The following ATP11A variants were observed in gnomAD, a reference collection of about 807,000 sequenced individuals.
ATP11A encodes the protein ATPase phospholipid transporting 11A.
In ATP11A, 81 loss-of-function variants were observed where a neutral mutation model predicts 154.4. The ratio of observed to expected loss-of-function variants is 0.52; its 90% confidence interval spans 0.44 to 0.63. ATP11A has a LOEUF of 0.63. Among genes scored for constraint, ATP11A ranks in the 30% least tolerant of loss-of-function variants. The pLI, the probability that ATP11A is intolerant of heterozygous loss-of-function variation, is 0.00. For missense variants in ATP11A, 1,316 were observed against 1,474.3 expected (o/e 0.89, Z 1.76); for synonymous variants, 623 against 585.9 (o/e 1.06, Z -0.91).
chr13:112,736,462 G>A (rs980600248), intron 1 of ATP11A, among the ~76,000 whole-genome samples: 2 of 152,164 alleles, frequency 1.3e-5, no homozygotes, highest in Non-Finnish European at 2.9e-5. Context: ...GCAACGAAGC[G>A]TTATCTTACA....
In ATP11A at chr13:112,882,241, A is replaced by G; in HGVS notation, c.*375A>G. On this transcript the variant is annotated 3_prime_UTR_variant, in exon 30 of 30. Coordinates refer to ENST00000375645, the MANE Select transcript of ATP11A (RefSeq NM_015205.3). The surrounding 1 kb of genome is among the most constrained non-coding windows in gnomAD (Gnocchi z 5.1). Reference sequence around the variant, plus strand: ...GCATTCGGCTCAACGCAGGAGGGACATTCTGCTGGCCCACCCTGCGCGCTG... The same window carrying G: ...GCATTCGGCTCAACGCAGGAGGGACGTTCTGCTGGCCCACCCTGCGCGCTG... 1.3e-6 allele frequency: 1 copy of G among 756,460 alleles called. No individual in the cohort carries two copies. Among genetic ancestry groups the G allele is most frequent in the Non-Finnish European group, 1.9e-6 (1 of 530,016 alleles). The allele number at this position is 756,460 out of a possible 1,614,324, so 46.9% of individuals were successfully genotyped here.
At chr13:112,799,335 A>G (rs1003175301) in intron 2 of ATP11A, among the ~76,000 whole-genome samples, 4 of 152,198 alleles carry the variant, frequency 2.6e-5, no homozygotes, top group East Asian at 1.9e-4. Flanking sequence ...GAGTCCACCA[A>G]TAGGCTTTGT....
chr13:112,848,505 C>T (rs1431068779), intron 17 of ATP11A, among the ~76,000 whole-genome samples: 1 of 152,138 alleles, frequency 6.6e-6, no homozygotes, highest in African/African-American at 2.4e-5. Flanking sequence ...GCAAATAGGC[C>T]TTAGAAAGGC....
intron 1 of ATP11A, among the ~76,000 whole-genome samples, chr13:112,750,858 T>C (rs1320767889): frequency 6.6e-6 from 1 of 152,262 alleles, no homozygotes; most frequent in Admixed American, 6.5e-5. Flanking sequence ...AGAATTGTTA[T>C]GATAATTACC....
chr13:112,811,693 C>T (rs983422325), intron 5 of ATP11A: 1 of 152,112 alleles, frequency 6.6e-6, no homozygotes, highest in Non-Finnish European at 1.5e-5. Flanking sequence ...GCAACCTCCG[C>T]CCCCGGGTTC....
chr13:112,866,893 G>A (rs1256131321), intron 25 of ATP11A, among the ~76,000 whole-genome samples: 1 of 152,036 alleles, frequency 6.6e-6, no homozygotes. Context: ...TGTTTTAAAA[G>A]CTTTAAGTTT....
chr13:112,867,314 C>T (rs1284093930), intron 25 of ATP11A, among the ~76,000 whole-genome samples: 2 of 152,208 alleles, frequency 1.3e-5, no homozygotes. Context: ...GGGTCATACC[C>T]GGACGTCCGG....
In ATP11A at chr13:112,709,251, C is replaced by T. The variant is rs190747242; in HGVS notation, c.39+18796C>T. Among the ~76,000 whole-genome samples the T allele has an allele frequency of 3.5e-3, 526 of 152,302 alleles. 3 individuals carry two copies. Among genetic ancestry groups the T allele is most frequent in the Admixed American group, 4.1e-3 (62 of 15,306 alleles). On this transcript the variant is annotated intron_variant, in intron 1 of 29. Transcript: ENST00000375645. ...TTCTCATCAGATGGGTTTTATTTAA[C>T]CCTGTATATCATGACTTACTTTCCA...
At chr13:112,705,182 A>T (rs1313807811) in intron 1 of ATP11A, among the ~76,000 whole-genome samples, 2 of 152,222 alleles carry the variant, frequency 1.3e-5, no homozygotes, top group Non-Finnish European at 2.9e-5. Context: ...GCAACATGTA[A>T]AAAGAAAGCT....
chr13:112,781,211 T>C (rs939781931), intron 1 of ATP11A, among the ~76,000 whole-genome samples: 2 of 152,022 alleles, frequency 1.3e-5, no homozygotes, highest in Non-Finnish European at 2.9e-5. Flanking sequence ...TTTTTGTATT[T>C]TTTTTTTCAG....
At chr13:112,844,530 G>A (rs1301831783) in intron 17 of ATP11A, among the ~76,000 whole-genome samples, 13 of 152,204 alleles carry the variant, frequency 8.5e-5, no homozygotes, top group South Asian at 8.3e-4. Context: ...CGCTCCACTC[G>A]CCGTCACTGC....
chr13:112,843,162 G>T (rs770126397), intron 17 of ATP11A, among the ~76,000 whole-genome samples: 1 of 151,708 alleles, frequency 6.6e-6, no homozygotes, highest in African/African-American at 2.4e-5. Flanking sequence ...TCCTAACGCC[G>T]AGTGACGCAC....
chr13:112,690,667 G>T lies in ATP11A; in HGVS notation c.39+212G>T, dbSNP rs973747895. Among the ~76,000 whole-genome samples, 4 of 152,018 alleles carry T rather than the reference G, an allele frequency of 2.6e-5. No homozygotes were observed. Among genetic ancestry groups the T allele is most frequent in the African/African-American group, 9.7e-5 (4 of 41,430 alleles). ...CCGACGGGGTCTAGGTGGGCACAGCGCGGGGCCCCAGCCCCGGGCGGCCAC... is the reference window on the plus strand; with the variant it reads ...CCGACGGGGTCTAGGTGGGCACAGCTCGGGGCCCCAGCCCCGGGCGGCCAC... On this transcript the variant is annotated intron_variant, in intron 1 of 29. Coordinates refer to ENST00000375645, the MANE Select transcript of ATP11A (RefSeq NM_015205.3). The surrounding 1 kb of genome is among the most constrained non-coding windows in gnomAD (Gnocchi z 5.6).
At chr13:112,864,201 G>A (rs2080233468) in intron 25 of ATP11A, among the ~76,000 whole-genome samples, 2 of 123,882 alleles carry the variant, frequency 1.6e-5, no homozygotes, top group African/African-American at 2.9e-5. Flanking sequence ...GCTTCCCAGC[G>A]GGGTCCATCA....
At chr13:112,791,705 G>C (rs2077862669) in intron 2 of ATP11A, among the ~76,000 whole-genome samples, 1 of 152,162 alleles carries the variant, frequency 6.6e-6, no homozygotes, top group Non-Finnish European at 1.5e-5. Flanking sequence ...GCCTGGCCCT[G>C]CTCCCTGGCT....
chr13:112,691,481 A>AAGGGT (rs57714748), intron 1 of ATP11A, among the ~76,000 whole-genome samples: 6 of 90,458 alleles, frequency 6.6e-5, no homozygotes, highest in African/African-American at 3.4e-4. Flanking sequence ...AAAAAAAAAA[A>AAGGGT]GGGTGTGTGT....
Position 112,838,919 on chromosome 13 carries a change from C to A in ATP11A, c.1705+2668C>A, listed in dbSNP as rs2079314933. Reference sequence around the variant, plus strand: ...GAGTTCTCCCTGCTGGGCGGGGAGACCCTGCAGCCAGCTCACAGCTCGTGT... The same window carrying A: ...GAGTTCTCCCTGCTGGGCGGGGAGAACCTGCAGCCAGCTCACAGCTCGTGT... On this transcript the variant is annotated intron_variant, in intron 16 of 29. Coordinates refer to ENST00000375645, the MANE Select transcript of ATP11A (RefSeq NM_015205.3). The surrounding 1 kb of genome is among the most constrained non-coding windows in gnomAD (Gnocchi z 7.3). Among the ~76,000 whole-genome samples the A allele has an allele frequency of 6.6e-6, 1 of 152,208 alleles. No individual in the cohort carries two copies. The highest frequency in any genetic ancestry group is 6.5e-5 in the Admixed American group (1 of 15,292).
intron 3 of ATP11A, 121 bp downstream of exon 3, chr13:112,805,167 T>G: frequency 3.0e-6 from 2 of 657,628 alleles, no homozygotes; most frequent in Non-Finnish European, 4.9e-6. Context: ...TCACCTATGA[T>G]TAATTTATTT....
At chr13:112,717,991 A>G (rs1379918293) in intron 1 of ATP11A, among the ~76,000 whole-genome samples, 2 of 152,160 alleles carry the variant, frequency 1.3e-5, no homozygotes, top group Non-Finnish European at 2.9e-5. Flanking sequence ...CAGGAGAATC[A>G]CTTGAACCCA....
Sources: allele counts gnomAD v4.1 joint callset (sites outside exome capture counted in the v4.1 genomes callset), GRCh38; gene constraint gnomAD v4.1.1; non-coding constraint Gnocchi (gnomAD v3.1); transcripts MANE v1.5; gene names NCBI Gene and HGNC (gene_info 2026-07-23, HGNC 2026-07-21).